Variants in ABCC11 observed in about 807,000 individuals in gnomAD.
ABCC11 encodes the protein ATP binding cassette subfamily C member 11.
A neutral mutation model predicts 149.3 loss-of-function variants in ABCC11; 135 were observed. That is an observed-to-expected ratio of 0.90 (90% CI 0.79 to 1.04). The LOEUF (loss-of-function observed/expected upper bound fraction) is 1.04, where lower values mean the gene tolerates loss of function less well. ABCC11 is among the 50% of genes least tolerant of loss of function. The pLI is 0.00. For missense variants in ABCC11, 1,680 were observed against 1,722.1 expected, an observed-to-expected ratio of 0.98 and a Z score of 0.43; for synonymous variants, 665 against 671.4, an observed-to-expected ratio of 0.99 and a Z score of 0.15.
intron 6 of ABCC11, among the ~76,000 whole-genome samples, chr16:48,216,638 A>T (rs1261115510): frequency 6.6e-6 from 1 of 152,240 alleles, no homozygotes; most frequent in Non-Finnish European, 1.5e-5. Context: ...TACTACTGCT[A>T]CTGAAACCAT....
chr16:48,187,746 T>G (rs953576521), intron 20 of ABCC11, among the ~76,000 whole-genome samples: 3 of 152,068 alleles, frequency 2.0e-5, no homozygotes, highest in African/African-American at 4.8e-5. Flanking sequence ...AACACTGAAG[T>G]GTATAATTAA....
At chr16:48,237,608 T>G (rs1643151257) in intron 1 of ABCC11, among the ~76,000 whole-genome samples, 2 of 152,188 alleles carry the variant, frequency 1.3e-5, no homozygotes, top group South Asian at 4.1e-4. Context: ...CTAGATAATG[T>G]TATTCCTCAA....
chr16:48,224,912 A>G (rs1230897860), intron 4 of ABCC11, among the ~76,000 whole-genome samples: 2 of 152,148 alleles, frequency 1.3e-5, no homozygotes, highest in African/African-American at 4.8e-5. Context: ...AATCCCAGGT[A>G]CTTGGGAGGC....
chr16:48,210,792 G>T lies in ABCC11; in HGVS notation c.1608+156C>A, dbSNP rs1968852898. ...CACATTAAAAAATGAACGATATCCT[G>T]TGTTTGCCCTCCATGAAAAATTTGA... On this transcript the variant is annotated intron_variant, in intron 11 of 29. Coordinates refer to ENST00000356608, the MANE Select transcript of ABCC11 (RefSeq NM_001370497.1). 4.0e-5 allele frequency: 42 copies of T among 1,059,292 alleles called. 2 individuals carry two copies. In the South Asian group the frequency reaches 7.1e-4, roughly 18 times the overall value. The allele number at this position is 1,059,292 out of a possible 1,614,324, so 65.6% of individuals were successfully genotyped here. A position where few individuals can be genotyped will look rare whatever the true frequency, so the allele number is the denominator to read the frequency against.
intron 26 of ABCC11, 66 bp from the exon 27 acceptor site, chr16:48,171,033 C>A: frequency 7.6e-7 from 1 of 1,318,976 alleles, no homozygotes; most frequent in Non-Finnish European, 1.1e-6. Flanking sequence ...CATTTATATG[C>A]CCAGTGAATG....
At chr16:48,214,751 G>A in intron 9 of ABCC11, 130 bp downstream of exon 9, 1 of 1,298,014 alleles carries the variant, frequency 7.7e-7, no homozygotes, top group East Asian at 2.3e-5. Context: ...ACTTTTGTCT[G>A]GAAAATCAAA....
intron 1 of ABCC11, chr16:48,244,331 CG>C (rs1314014811): frequency 2.2e-5 from 29 of 1,300,858 alleles, no homozygotes; most frequent in Middle Eastern, 1.9e-4. Flanking sequence ...CGGGGCAGGC[CG>C]GGGGCAGCTG....
intron 3 of ABCC11, among the ~76,000 whole-genome samples, chr16:48,229,488 CGCTCTGTCACCCAGCCCGG>C (rs1970290748): frequency 7.7e-6 from 1 of 130,202 alleles, no homozygotes; most frequent in African/African-American, 3.1e-5. Flanking sequence ...GACGGAGGCT[CGCTCTGTCACCCAGCCCGG>C]ACTGCGGACT....
At chr16:48,213,213 A>G (rs376570291) in intron 10 of ABCC11, among the ~76,000 whole-genome samples, 5 of 152,230 alleles carry the variant, frequency 3.3e-5, no homozygotes, top group African/African-American at 1.2e-4. Context: ...TCTGTCTGAG[A>G]CCTGGTTTGG....
intron 4 of ABCC11, among the ~76,000 whole-genome samples, chr16:48,227,009 T>G (rs959905502): frequency 1.3e-5 from 2 of 152,246 alleles, no homozygotes; most frequent in Non-Finnish European, 2.9e-5. Context: ...TCCCACCTTT[T>G]GTCCTCATAT....
At chr16:48,188,946 A>G (rs889500917) in intron 20 of ABCC11, among the ~76,000 whole-genome samples, 3 of 152,234 alleles carry the variant, frequency 2.0e-5, no homozygotes, top group Admixed American at 6.5e-5. Flanking sequence ...TAATTATTTG[A>G]GCCATGAAGT....
In ABCC11 at chr16:48,242,778, G is replaced by A. The variant is rs559862819; in HGVS notation, c.-19+4536C>T. On this transcript the variant is annotated intron_variant, in intron 1 of 29. Transcript: ENST00000356608. ...GGATGATGCTGGAAACCATCATTCT[G>A]AGCAAACTATCGCAAAGACCGAAAA... 3.1e-4 allele frequency among the ~76,000 whole-genome samples: 47 copies of A among 152,168 alleles called. No individual in the cohort carries two copies. In the South Asian group the frequency reaches 9.6e-3, roughly 31 times the overall value.
At chr16:48,243,205 T>C (rs1004164789) in intron 1 of ABCC11, among the ~76,000 whole-genome samples, 1 of 151,032 alleles carries the variant, frequency 6.6e-6, no homozygotes, top group Non-Finnish European at 1.5e-5. Flanking sequence ...ATTGAGACCA[T>C]CCTGGCTAAC....
chr16:48,227,435 C>T (rs560526824), intron 4 of ABCC11, among the ~76,000 whole-genome samples: 38 of 147,476 alleles, frequency 2.6e-4, no homozygotes, highest in East Asian at 7.9e-4. Context: ...GATTGCACCA[C>T]GCTGCACTCC....
rs910400237 is a variant in ABCC11, at chr16:48,176,907, C to T, written c.3538+17G>A. The T allele has an allele frequency of 1.9e-6, 3 of 1,611,086 alleles. No individual in the cohort carries two copies. The highest frequency in any genetic ancestry group is 2.5e-6 in the Non-Finnish European group (3 of 1,179,166). On this transcript the variant is annotated intron_variant, in intron 25 of 29. Transcript: ENST00000356608. The stretch of plus-strand genomic sequence containing the variant: ...AAAGGAGGAGCTGGGGACGCTCGCC[C>T]AGGAAGCTCAGCTCACCAGAGCCCG...
chr16:48,191,349 A>C (rs1253565866), intron 20 of ABCC11, among the ~76,000 whole-genome samples: 1 of 152,164 alleles, frequency 6.6e-6, no homozygotes, highest in African/African-American at 2.4e-5. Context: ...CAGCCTGCGC[A>C]ACATGGCAAG....
At chr16:48,173,379 C>T (rs1360785282) in intron 26 of ABCC11, among the ~76,000 whole-genome samples, 1 of 152,180 alleles carries the variant, frequency 6.6e-6, no homozygotes, top group East Asian at 1.9e-4. Flanking sequence ...TCTCTAAGTT[C>T]CGTGCCTTCA....
rs1394026105 is a variant in ABCC11 at position 48,175,800 on chromosome 16, C to A, written c.3539-383G>T. ...GAATTGGCAACACTGGACCCATATC[C>A]CCCCCAGGCAACAGCTCGGCTGGAG... On this transcript the variant is annotated intron_variant, in intron 25 of 29. Coordinates refer to ENST00000356608, the MANE Select transcript of ABCC11 (RefSeq NM_001370497.1). Among the ~76,000 whole-genome samples the A allele has an allele frequency of 2.0e-5, 3 of 149,944 alleles. No individual in the cohort carries two copies. The Admixed American group carries it at 2.0e-4, about 10-fold the overall frequency.
Position 48,203,303 on chromosome 16 carries a change from G to A in ABCC11, c.1806-3C>T. The A allele has an allele frequency of 6.4e-7, 1 of 1,573,462 alleles. No individual in the cohort carries two copies. Among genetic ancestry groups the A allele is most frequent in the Non-Finnish European group, 8.6e-7 (1 of 1,158,538 alleles). ...AGCAGTGGAGCACCTGGAGGTATCT[G>A]TGAAGGACAGGGAGCCATAAGGCAC... On this transcript the variant is annotated splice_polypyrimidine_tract_variant and splice_region_variant and intron_variant, in intron 13 of 29. Transcript: ENST00000356608.
Sources: allele counts gnomAD v4.1 joint callset (sites outside exome capture counted in the v4.1 genomes callset), GRCh38; gene constraint gnomAD v4.1.1; transcripts MANE v1.5; gene names NCBI Gene and HGNC (gene_info 2026-07-23, HGNC 2026-07-21).